RBFOX1: variants seen among roughly 807,000 people sequenced by gnomAD.
The protein encoded by RBFOX1 is RNA binding protein fox-1 homolog 1.
A neutral mutation model predicts 57.7 loss-of-function variants in RBFOX1; 8 were observed. The ratio of observed to expected loss-of-function variants is 0.14; its 90% CI spans 0.08 to 0.25. The LOEUF is 0.25. Among genes scored for constraint, RBFOX1 ranks in the 10% least tolerant of loss-of-function variants. The pLI is 1.00. For missense variants in RBFOX1, 611 were observed against 548.5 expected, an observed-to-expected ratio of 1.11 and a Z score of -1.14; for synonymous variants, 326 against 222.4, an observed-to-expected ratio of 1.47 and a Z score of -4.15.
At chr16:5,733,413 C>G (rs1381853700) in intron 3 of RBFOX1, among the ~76,000 whole-genome samples, 2 of 152,148 alleles carry the variant, frequency 1.3e-5, no homozygotes, top group African/African-American at 2.4e-5. Context: ...ATCCGAAGAT[C>G]AACTCCAATG....
Position 7,004,786 on chromosome 16 carries a change from C to A in RBFOX1, c.-15-47271C>A, listed in dbSNP as rs191978912. ...GATTGGCTGTACCAGATTAAGATAA[C>A]CTAATCCACGTGTCTCTATAAGTGG... On this transcript the variant is annotated intron_variant, in intron 3 of 15. Transcript: ENST00000550418. Among the ~76,000 whole-genome samples, 7 of 152,220 alleles carry A rather than the reference C, an allele frequency of 4.6e-5. No individual in the cohort carries two copies. The East Asian group carries it at 1.4e-3, about 29-fold the overall frequency.
At chr16:5,535,048 G>C (rs1490975152) in intron 2 of RBFOX1, among the ~76,000 whole-genome samples, 1 of 152,212 alleles carries the variant, frequency 6.6e-6, no homozygotes, top group Non-Finnish European at 1.5e-5. Context: ...TCCTCATGGG[G>C]CTTAGATCCT....
chr16:6,935,768 A>C (rs1330969901), intron 3 of RBFOX1, among the ~76,000 whole-genome samples: 3 of 152,202 alleles, frequency 2.0e-5, no homozygotes, highest in African/African-American at 4.8e-5. Flanking sequence ...AGTGCTTTGT[A>C]GAGGCGAGGT....
chr16:7,519,791 C>T (rs914748124), intron 5 of RBFOX1: 2 of 861,884 alleles, frequency 2.3e-6, no homozygotes, highest in African/African-American at 3.7e-5. Flanking sequence ...GGCTTTGAAG[C>T]ATGATACATT....
chr16:5,442,486 G>A (rs1318745611), intron 1 of RBFOX1, among the ~76,000 whole-genome samples: 2 of 152,226 alleles, frequency 1.3e-5, no homozygotes, highest in Non-Finnish European at 2.9e-5. Context: ...GGAGGTGACT[G>A]AGCAAGTTGT....
chr16:6,797,148 G>GGCA (rs148535851), intron 3 of RBFOX1, among the ~76,000 whole-genome samples: 3 of 152,126 alleles, frequency 2.0e-5, no homozygotes, highest in African/African-American at 7.2e-5. Flanking sequence ...TCTGCAGATA[G>GGCA]GCAGCAGCAG....
At chr16:7,420,075 G>A (rs2098525716) in intron 4 of RBFOX1, among the ~76,000 whole-genome samples, 1 of 151,866 alleles carries the variant, frequency 6.6e-6, no homozygotes, top group African/African-American at 2.4e-5. Flanking sequence ...ACAAATGAGG[G>A]TACATTTGTT....
At chr16:5,269,142 C>A (rs2062937682) in intron 1 of RBFOX1, among the ~76,000 whole-genome samples, 1 of 151,788 alleles carries the variant, frequency 6.6e-6, no homozygotes, top group South Asian at 2.1e-4. Flanking sequence ...GTCTCAAACT[C>A]CTGGCCTCAG....
At chr16:6,981,578 C>G (rs908858860) in intron 3 of RBFOX1, among the ~76,000 whole-genome samples, 1 of 152,126 alleles carries the variant, frequency 6.6e-6, no homozygotes, top group Non-Finnish European at 1.5e-5. Flanking sequence ...GACAGTTCCA[C>G]GTGGCTGGGG....
At chr16:7,111,636 A>G (rs1224277887) in intron 4 of RBFOX1, among the ~76,000 whole-genome samples, 1 of 152,144 alleles carries the variant, frequency 6.6e-6, no homozygotes, top group African/African-American at 2.4e-5. Flanking sequence ...TAAATTACTA[A>G]GTATTTGCTA....
At chr16:5,647,101 C>T (rs1567342755) in intron 3 of RBFOX1, among the ~76,000 whole-genome samples, 2 of 152,316 alleles carry the variant, frequency 1.3e-5, no homozygotes, top group South Asian at 2.1e-4. Flanking sequence ...TGCCTGTGGA[C>T]TCAGAATGTG....
intron 3 of RBFOX1, among the ~76,000 whole-genome samples, chr16:6,833,872 G>A (rs541014724): frequency 1.3e-5 from 2 of 152,160 alleles, no homozygotes; most frequent in African/African-American, 2.4e-5. Flanking sequence ...GACAGCGTGG[G>A]CACAGCTTGA....
At chr16:6,601,739 C>T (rs978108700) in intron 2 of RBFOX1, among the ~76,000 whole-genome samples, 9 of 152,062 alleles carry the variant, frequency 5.9e-5, no homozygotes, top group African/African-American at 1.9e-4. Context: ...TTGTTGAGGT[C>T]AAGAGCAAGG....
intron 3 of RBFOX1, among the ~76,000 whole-genome samples, chr16:5,665,326 G>A (rs1024576186): frequency 1.3e-5 from 2 of 152,078 alleles, no homozygotes; most frequent in Non-Finnish European, 2.9e-5. Context: ...CTTTCCAAGT[G>A]TCTGGCTCCT....
intron 1 of RBFOX1, among the ~76,000 whole-genome samples, chr16:5,338,928 G>T (rs1367988591): frequency 1.3e-5 from 2 of 152,026 alleles, no homozygotes; most frequent in Non-Finnish European, 2.9e-5. Context: ...TGTATTTATG[G>T]TGTACATCAT....
intron 3 of RBFOX1, among the ~76,000 whole-genome samples, chr16:6,832,941 G>C (rs927677182): frequency 1.3e-5 from 2 of 152,242 alleles, no homozygotes; most frequent in African/African-American, 4.8e-5. Flanking sequence ...TGGGGAGACA[G>C]ATATTAAAAA....
At chr16:6,514,862 G>A (rs1336083959) in intron 2 of RBFOX1, among the ~76,000 whole-genome samples, 2 of 151,878 alleles carry the variant, frequency 1.3e-5, no homozygotes, top group African/African-American at 4.8e-5. Context: ...CAATAATAAT[G>A]ATAATTATTT....
At chr16:5,374,998 C>G (rs763895546) in intron 1 of RBFOX1, among the ~76,000 whole-genome samples, 1 of 139,474 alleles carries the variant, frequency 7.2e-6, no homozygotes. Context: ...AGAGACTGGT[C>G]TGGAATTCCA....
intron 10 of RBFOX1, among the ~76,000 whole-genome samples, chr16:7,627,759 A>G (rs754842108): frequency 1.3e-5 from 2 of 152,224 alleles, no homozygotes; most frequent in Non-Finnish European, 2.9e-5. Context: ...TGTCGAATTC[A>G]AAGCGTCCTT....
Sources: allele counts gnomAD v4.1 joint callset (sites outside exome capture counted in the v4.1 genomes callset), GRCh38; gene constraint gnomAD v4.1.1; transcripts MANE v1.5; gene names NCBI Gene and HGNC (gene_info 2026-07-23, HGNC 2026-07-21).